CNOT1: variants seen among roughly 807,000 people sequenced by gnomAD.
The protein encoded by CNOT1 is CCR4-associated factor 1.
A neutral mutation model predicts 273.8 loss-of-function variants in CNOT1; 15 were observed. The ratio of observed to expected loss-of-function variants is 0.05; its 90% CI spans 0.04 to 0.08. The LOEUF (loss-of-function observed/expected upper bound fraction) is 0.08, where lower values mean the gene tolerates loss of function less well. CNOT1 is among the 10% of genes least tolerant of loss of function. CNOT1 has a pLI of 1.00. For missense variants in CNOT1, 1,644 were observed against 2,912.2 expected (o/e 0.56, Z 10.02); for synonymous variants, 1,022 against 1,005.5 (o/e 1.02, Z -0.31).
chr16:58,581,583 C>A, intron 10 of CNOT1, 68 bp from the exon 11 acceptor site: 5 of 1,449,858 alleles, frequency 3.4e-6, no homozygotes, highest in South Asian at 1.6e-5. Context: ...ATCCAAAAGG[C>A]CAAATTAAAT....
chr16:58,532,123 A>G, intron 41 of CNOT1, 48 bp from the exon 42 acceptor site: 1 of 1,612,418 alleles, frequency 6.2e-7, no homozygotes, highest in Non-Finnish European at 8.5e-7. Flanking sequence ...ACTTAAATAC[A>G]GTGAACAGCA....
In CNOT1 at chr16:58,528,636, C is replaced by T; in HGVS notation, c.6292G>A (p.Val2098Met). Residue 2098 changes from valine to methionine, a missense_variant, in exon 44 of 49, where the codon GTG (valine) becomes ATG (methionine). Val to Met is a conservative substitution (Grantham distance 21, BLOSUM62 1). Coordinates refer to ENST00000317147, the MANE Select transcript of CNOT1 (RefSeq NM_016284.5). ...MQILYKGTLR[V>M]LLVLLHDFPE... ...AAATCATGCAAAAGAACCAGCAGCA[C>T]TCTTAAAGTGCCCTATTTTTAAAAA... 1 of 1,602,802 alleles carries T rather than the reference C, an allele frequency of 6.2e-7. No individual in the cohort carries two copies. Among genetic ancestry groups the T allele is most frequent in the Non-Finnish European group, 8.5e-7 (1 of 1,176,464 alleles).
chr16:58,539,066 TCA>T, intron 35 of CNOT1, 152 bp from the exon 36 acceptor site: 1 of 1,187,314 alleles, frequency 8.4e-7, no homozygotes, highest in Non-Finnish European at 1.1e-6. Context: ...CAGTTGCCTA[TCA>T]CACACACTCT....
chr16:58,624,167 T>C (rs2043466100), intron 1 of CNOT1, among the ~76,000 whole-genome samples: 1 of 152,166 alleles, frequency 6.6e-6, no homozygotes, highest in Admixed American at 6.6e-5. Context: ...CTATGGGACT[T>C]GAGCTTTCAA....
chr16:58,538,119 C>T (rs764861604), intron 37 of CNOT1, 39 bp downstream of exon 37: 1 of 1,612,058 alleles, frequency 6.2e-7, no homozygotes, highest in Admixed American at 1.7e-5. Context: ...ACGTACTTCC[C>T]TGAGTCCTTT....
chr16:58,587,413 T>A lies in CNOT1; in HGVS notation c.310A>T (p.Ser104Cys). Residue 104 changes from serine (S) to cysteine (C), a missense_variant and splice_region_variant, in exon 5 of 49, where the codon AGT (serine) becomes TGT (cysteine). Around this residue, in one of 13 missense-constraint regions of CNOT1, gnomAD observed 706 missense variants for 1,021.2 expected, o/e 0.69. Transcript: ENST00000317147. ...AATAAGTGGGGTGCAGGCTTTAAAC[T>A]CTGAAACAAACCAAATTTTAGTTTA... Reference protein sequence around the residue: ...AIDNPLHYQKSLKPAPHLFAQ... With the variant: ...AIDNPLHYQKCLKPAPHLFAQ... The A allele has an allele frequency of 6.2e-7, 1 of 1,612,234 alleles. No individual in the cohort carries two copies. The highest frequency in any genetic ancestry group is 8.5e-7 in the Non-Finnish European group (1 of 1,179,742).
chr16:58,587,156 A>AAAAAACCAC (rs2041901653), intron 6 of CNOT1, 45 bp downstream of exon 6: 1 of 1,596,204 alleles, frequency 6.3e-7, no homozygotes, highest in East Asian at 2.2e-5. Context: ...AAACCCACGT[A>AAAAAACCAC]TTTTAAAGTC....
chr16:58,591,927 T>C (rs961943200), intron 2 of CNOT1, among the ~76,000 whole-genome samples: 30 of 152,110 alleles, frequency 2.0e-4, no homozygotes, highest in African/African-American at 6.5e-4. Flanking sequence ...TCTGACATCA[T>C]AGACTTATTT....
rs796652283 is a variant in CNOT1, at chr16:58,534,448, C to G, written c.5647-53G>C. On this transcript the variant is annotated intron_variant, in intron 39 of 48. Coordinates refer to ENST00000317147, the MANE Select transcript of CNOT1 (RefSeq NM_016284.5). ...CAATGAGGTAACACACACAAATAAA[C>G]TTCATATACCTTTAATTTTCAGGCT... 2.7e-5 allele frequency: 42 copies of G among 1,571,476 alleles called. No individual in the cohort carries two copies. In the African/African-American group the frequency reaches 4.1e-4, roughly 15 times the overall value.
chr16:58,558,686 CATT>C lies in CNOT1; in HGVS notation c.2131-15_2131-13del. ...GCAAGAGGGTCAATCTAAAGAAAAA[CATT>C]ATAAAAATGTATTAAACATACTTCG... On this transcript the variant is annotated splice_polypyrimidine_tract_variant and intron_variant, in intron 17 of 48. Transcript: ENST00000317147. 2 of 1,610,530 alleles carry C rather than the reference CATT, an allele frequency of 1.2e-6. No individual in the cohort carries two copies. Among genetic ancestry groups the C allele is most frequent in the African/African-American group, 1.3e-5 (1 of 74,762 alleles).
intron 2 of CNOT1, among the ~76,000 whole-genome samples, chr16:58,593,197 C>T (rs950929124): frequency 3.3e-5 from 5 of 152,016 alleles, no homozygotes; most frequent in Non-Finnish European, 5.9e-5. Context: ...CTGAGGAGGG[C>T]GGGATCTCTC....
chr16:58,596,989 T>G (rs539101410), intron 2 of CNOT1, among the ~76,000 whole-genome samples: 43 of 147,758 alleles, frequency 2.9e-4, no homozygotes, highest in Non-Finnish European at 5.8e-4. Flanking sequence ...CATAAGAAGG[T>G]AGCTGGAAGT....
chr16:58,586,870 T>C (rs1331190396), intron 6 of CNOT1, 122 bp from the exon 7 acceptor site: 3 of 1,153,358 alleles, frequency 2.6e-6, no homozygotes, highest in African/African-American at 3.1e-5. Context: ...ATCTCTCTAA[T>C]GCTTTCTCTA....
intron 12 of CNOT1, 71 bp downstream of exon 12, chr16:58,580,562 C>T (rs2041622870): frequency 6.5e-7 from 1 of 1,544,214 alleles, no homozygotes; most frequent in African/African-American, 1.4e-5. Flanking sequence ...ATGTACTTGG[C>T]TTACTATTAA....
intron 22 of CNOT1, among the ~76,000 whole-genome samples, 168 bp downstream of exon 22, chr16:58,553,614 G>A (rs1447886732): frequency 3.3e-5 from 5 of 152,054 alleles, no homozygotes; most frequent in East Asian, 1.9e-4. Context: ...ATGTTCTCTT[G>A]TAAGGCCACA....
chr16:58,573,048 T>C (rs932172992), intron 16 of CNOT1, among the ~76,000 whole-genome samples: 6 of 151,696 alleles, frequency 4.0e-5, no homozygotes, highest in African/African-American at 7.3e-5. Context: ...GGTTCACACA[T>C]GTAAGCCCAG....
chr16:58,564,978 G>C (rs1188053810), intron 16 of CNOT1, among the ~76,000 whole-genome samples: 1 of 152,042 alleles, frequency 6.6e-6, no homozygotes, highest in Non-Finnish European at 1.5e-5. Context: ...GAAGTGGCAA[G>C]AATATTACAA....
chr16:58,531,468 TC>T (rs1258289625), intron 42 of CNOT1, among the ~76,000 whole-genome samples: 1 of 152,002 alleles, frequency 6.6e-6, no homozygotes, highest in African/African-American at 2.4e-5. Flanking sequence ...TAGCCAGTAG[TC>T]CTCAACCTTA....
In CNOT1 at chr16:58,613,932, CA is replaced by C. The variant is rs1364413295; in HGVS notation, c.-174-14422del. Reference sequence around the variant, plus strand: ...TGAAACCCCGTCTCTACTAAAAATACAAAAAAAAAATTAGCCGGGCGTGGTG... The same window carrying C: ...TGAAACCCCGTCTCTACTAAAAATACAAAAAAAAATTAGCCGGGCGTGGTG... On this transcript the variant is annotated intron_variant, in intron 1 of 48. Coordinates refer to ENST00000317147, the MANE Select transcript of CNOT1 (RefSeq NM_016284.5). Among the ~76,000 whole-genome samples the C allele has an allele frequency of 1.8e-4, 20 of 112,036 alleles. 2 individuals carry two copies. Among genetic ancestry groups the C allele is most frequent in the Admixed American group, 3.6e-4 (4 of 11,186 alleles). 73.5% of individuals were successfully genotyped at this position (112,036 alleles called of 152,430 possible).
Sources: allele counts gnomAD v4.1 joint callset (sites outside exome capture counted in the v4.1 genomes callset), GRCh38; gene constraint gnomAD v4.1.1; regional missense constraint gnomAD v4.1.1; transcripts MANE v1.5; gene names NCBI Gene and HGNC (gene_info 2026-07-23, HGNC 2026-07-21).